The following IGFL2 variants were observed in gnomAD, a reference collection of about 807,000 sequenced individuals.
IGFL2 encodes the protein IGF like family member 2, also known as insulin growth factor-like family member 2.
Under a neutral mutation model 13.9 loss-of-function variants are expected in IGFL2, and 7 were observed. The observed-to-expected ratio is 0.51, with a 90% CI of 0.29 to 0.95. The LOEUF is 0.95. Among genes scored for constraint, IGFL2 ranks in the 40% least tolerant of loss-of-function variants. The pLI is 0.08. For missense variants in IGFL2, 138 were observed against 147.8 expected (o/e 0.93, Z 0.34); for synonymous variants, 55 against 55.8 (o/e 0.99, Z 0.07).
the IGFL2 span, among the ~76,000 whole-genome samples, chr19:46,171,839 AT>A: frequency 6.6e-6 from 1 of 152,140 alleles, no homozygotes; most frequent in East Asian, 1.9e-4. Context: ...AAAAGTGAGA[AT>A]TTTTTTTACC....
upstream of IGFL2, among the ~76,000 whole-genome samples, chr19:46,139,443 C>T (rs1220194139): frequency 6.6e-6 from 1 of 151,618 alleles, no homozygotes; most frequent in African/African-American, 2.4e-5. Flanking sequence ...ATCTATGTTA[C>T]ATATGAGGTT....
chr19:46,153,556 T>C (rs1391744123), intron 1 of IGFL2, among the ~76,000 whole-genome samples: 1 of 152,126 alleles, frequency 6.6e-6, no homozygotes, highest in Non-Finnish European at 1.5e-5. Flanking sequence ...AATACAATTA[T>C]GTACATATTG....
chr19:46,182,547 G>C, the IGFL2 span, among the ~76,000 whole-genome samples: 1 of 152,128 alleles, frequency 6.6e-6, no homozygotes, highest in African/African-American at 2.4e-5. Flanking sequence ...CACAGGCATA[G>C]CTTAAGTCCT....
chr19:46,089,726 A>T, the IGFL2 span, among the ~76,000 whole-genome samples: 3 of 151,370 alleles, frequency 2.0e-5, no homozygotes, highest in Non-Finnish European at 4.4e-5. Flanking sequence ...TGGTGAGCAT[A>T]TTGAAACTCC....
chr19:46,165,797 G>A (rs1208950245), downstream of IGFL2, among the ~76,000 whole-genome samples: 1 of 152,248 alleles, frequency 6.6e-6, no homozygotes, highest in Non-Finnish European at 1.5e-5. Flanking sequence ...GGGCTGAGCT[G>A]TGAGCCGCCT....
chr19:46,145,600 A>ATGTGTGTGTGTGTG (rs1024196099), upstream of IGFL2, among the ~76,000 whole-genome samples: 154 of 94,572 alleles, frequency 1.6e-3, no homozygotes, highest in African/African-American at 4.1e-3. Flanking sequence ...ACTCATATAT[A>ATGTGTGTGTGTGTG]TGTGTGTGTG....
chr19:46,151,979 A>G (rs1367936822), intron 1 of IGFL2, among the ~76,000 whole-genome samples: 2 of 152,218 alleles, frequency 1.3e-5, no homozygotes, highest in Non-Finnish European at 2.9e-5. Flanking sequence ...CACCTGAACA[A>G]TATTAAGTCT....
the IGFL2 span, among the ~76,000 whole-genome samples, chr19:46,107,945 G>A: frequency 1.3e-5 from 2 of 152,332 alleles, no homozygotes; most frequent in African/African-American, 4.8e-5. Flanking sequence ...AGAAAAAGGA[G>A]CATTAACCTT....
At chr19:46,129,305 TTTTGTGTGTG>T in the IGFL2 span, among the ~76,000 whole-genome samples, 3 of 128,326 alleles carry the variant, frequency 2.3e-5, no homozygotes, top group African/African-American at 9.4e-5. Flanking sequence ...TTTGTTGATC[TTTTGTGTGTG>T]TGTGTGTGTG....
At chr19:46,182,365 T>TAAA in the IGFL2 span, among the ~76,000 whole-genome samples, 492 of 78,678 alleles carry the variant, frequency 6.3e-3, 3 homozygotes, top group African/African-American at 0.021. Context: ...AGACTTTGCC[T>TAAA]AAAAAAAAAA....
chr19:46,209,465 C>T, the IGFL2 span: 1 of 152,258 alleles, frequency 6.6e-6, no homozygotes, highest in South Asian at 2.1e-4. Flanking sequence ...GCTGCAGGAG[C>T]CCAGGCTGTC....
the IGFL2 span, among the ~76,000 whole-genome samples, chr19:46,169,968 C>T: frequency 6.6e-6 from 1 of 151,866 alleles, no homozygotes; most frequent in African/African-American, 2.4e-5. Flanking sequence ...TGCTAATGTC[C>T]TGCAAGAAAC....
the IGFL2 span, among the ~76,000 whole-genome samples, chr19:46,206,175 C>T: frequency 2.6e-5 from 4 of 152,232 alleles, no homozygotes; most frequent in South Asian, 6.2e-4. Context: ...TGCCCTCCCT[C>T]GAACCCAGCT....
chr19:46,140,167 C>T (rs1002401819), upstream of IGFL2, among the ~76,000 whole-genome samples: 1 of 151,664 alleles, frequency 6.6e-6, no homozygotes, highest in Admixed American at 6.6e-5. Context: ...CCAGGTTGGT[C>T]TTGAACTGAC....
the IGFL2 span, chr19:46,137,125 T>G: frequency 3.0e-4 from 483 of 1,608,964 alleles, 1 homozygote; most frequent in African/African-American, 5.5e-3. Context: ...TTGGCCCAGA[T>G]GTACAGGAAT....
the IGFL2 span, among the ~76,000 whole-genome samples, chr19:46,105,425 G>T: frequency 6.6e-6 from 1 of 152,140 alleles, no homozygotes; most frequent in Admixed American, 6.5e-5. Flanking sequence ...AGGCTTGGTG[G>T]AACTGCCATC....
chr19:46,124,162 G>A, the IGFL2 span: 14 of 1,610,004 alleles, frequency 8.7e-6, no homozygotes, highest in South Asian at 1.5e-4. Context: ...AGCGTCTGGG[G>A]GCAGACATTG....
chr19:46,142,929 AAG>A (rs1972924081), upstream of IGFL2, among the ~76,000 whole-genome samples: 1 of 152,264 alleles, frequency 6.6e-6, no homozygotes, highest in Non-Finnish European at 1.5e-5. Flanking sequence ...TTATATAGTG[AAG>A]AATACCTGTA....
At chr19:46,137,452 A>G in the IGFL2 span, 9 of 1,048,530 alleles carry the variant, frequency 8.6e-6, no homozygotes, top group South Asian at 3.8e-5. Context: ...CATACAGCCA[A>G]TCTTGAAGAA....
Sources: gnomAD v4.1 joint callset for allele counts (sites outside exome capture counted in the v4.1 genomes callset) on GRCh38, gnomAD v4.1.1 for gene constraint, MANE v1.5 for transcripts, NCBI Gene and HGNC (gene_info 2026-07-23, HGNC 2026-07-21) for gene names.